Variants in MTFR1 observed in about 807,000 individuals in gnomAD.
MTFR1 encodes mitochondrial fission regulator 1.
Under a neutral mutation model 38.8 loss-of-function variants are expected in MTFR1, and 28 were observed. That is an observed-to-expected ratio of 0.72 (90% CI 0.53 to 0.99). The LOEUF is 0.99. MTFR1 is among the 50% of genes least tolerant of loss of function. The probability of loss-of-function intolerance (pLI) is 0.00; values close to 1 mark genes in which losing one functional copy is unlikely to be tolerated. For synonymous variants in MTFR1, 145 were observed against 137.0 expected (o/e 1.06, Z -0.41); for missense variants, 358 against 395.5 (o/e 0.91, Z 0.81).
chr8:65,687,469 C>T (rs1478824392), intron 3 of MTFR1, among the ~76,000 whole-genome samples: 1 of 151,734 alleles, frequency 6.6e-6, no homozygotes, highest in Non-Finnish European at 1.5e-5. Flanking sequence ...CCTCAGCCTT[C>T]CAAGTAGCTG....
intron 3 of MTFR1, among the ~76,000 whole-genome samples, chr8:65,756,377 T>G (rs1481849293): frequency 2.0e-5 from 3 of 152,220 alleles, no homozygotes; most frequent in Non-Finnish European, 4.4e-5. Flanking sequence ...CAGTGATTCA[T>G]GTATTGGTAC....
intron 3 of MTFR1, chr8:65,724,337 A>G: frequency 6.2e-7 from 1 of 1,611,968 alleles, no homozygotes. Flanking sequence ...AAATATCAGC[A>G]CATTTCAAAG....
Position 65,652,084 on chromosome 8 carries a change from G to A in MTFR1, c.-81+7300G>A, listed in dbSNP as rs1022812923. On this transcript the variant is annotated intron_variant, in intron 1 of 7. Transcript: ENST00000262146. ...AGCCTCCCATGTAGTTGGGACTACA[G>A]GCACATGCCACCATGCCTGGCTAAT... is the stretch of plus-strand genomic sequence containing the variant. Among the ~76,000 whole-genome samples, 4 of 151,844 alleles carry A rather than the reference G, an allele frequency of 2.6e-5. No individual in the cohort carries two copies. In the South Asian group the frequency reaches 8.3e-4, roughly 32 times the overall value.
intron 4 of MTFR1, among the ~76,000 whole-genome samples, chr8:65,700,360 A>G (rs538507264): frequency 2.6e-5 from 4 of 151,410 alleles, no homozygotes; most frequent in South Asian, 2.1e-4. Flanking sequence ...AAAAAAAAAA[A>G]AAAAAAGAAA....
chr8:65,723,431 A>T (rs1041678136), intron 3 of MTFR1: 2 of 1,061,512 alleles, frequency 1.9e-6, no homozygotes, highest in Non-Finnish European at 2.5e-6. Context: ...AATTATTTTT[A>T]AAAATAGAAA....
chr8:65,677,030 A>T (rs1410318927), intron 2 of MTFR1, among the ~76,000 whole-genome samples: 1 of 151,112 alleles, frequency 6.6e-6, no homozygotes. Context: ...AGCAGTTTTC[A>T]TAGATAAAGC....
intron 4 of MTFR1, among the ~76,000 whole-genome samples, chr8:65,697,349 T>C (rs190032437): frequency 6.6e-6 from 1 of 152,308 alleles, no homozygotes; most frequent in East Asian, 1.9e-4. Context: ...GGCGTGCACC[T>C]ACAGTCCTCC....
chr8:65,777,912 T>C, the MTFR1 span, among the ~76,000 whole-genome samples: 1 of 152,230 alleles, frequency 6.6e-6, no homozygotes, highest in Non-Finnish European at 1.5e-5. Flanking sequence ...AGATTTATAA[T>C]ACTTCCTGAA....
At chr8:65,671,812 A>G (rs1804574251) in intron 2 of MTFR1, among the ~76,000 whole-genome samples, 1 of 152,222 alleles carries the variant, frequency 6.6e-6, no homozygotes, top group African/African-American at 2.4e-5. Flanking sequence ...CTTCGTCTGC[A>G]AAGTAGCTGT....
intron 1 of MTFR1, among the ~76,000 whole-genome samples, chr8:65,648,831 AT>A (rs565872986): frequency 2.0e-5 from 3 of 151,158 alleles, no homozygotes; most frequent in Admixed American, 6.6e-5. Context: ...AACATTTAAG[AT>A]TTTTTTTTAG....
Position 65,662,249 on chromosome 8 carries a change from C to T in MTFR1, c.-80-7624C>T, listed in dbSNP as rs539129690. Among the ~76,000 whole-genome samples the T allele has an allele frequency of 1.9e-3, 293 of 152,058 alleles. 1 individual carries two copies. Among genetic ancestry groups the T allele is most frequent in the African/African-American group, 6.8e-3 (281 of 41,496 alleles). On this transcript the variant is annotated intron_variant, in intron 1 of 7. Transcript: ENST00000262146. The stretch of plus-strand genomic sequence containing the variant: ...AGTGCCTGCGATTGCAGGCGCGCGC[C>T]GCCACGCCTGATTGGTTTTCGTATT...
chr8:65,723,602 A>G (rs1259081903), intron 3 of MTFR1: 4 of 1,574,028 alleles, frequency 2.5e-6, no homozygotes, highest in Middle Eastern at 1.7e-4. Flanking sequence ...CACCCAAATG[A>G]TATTTTTTTT....
chr8:65,749,371 G>A lies in MTFR1; in HGVS notation c.*49-21576G>A, dbSNP rs76358403. On this transcript the variant is annotated intron_variant, in intron 3 of 3. Coordinates refer to the MTFR1 transcript ENST00000521247. Reference sequence around the variant, plus strand: ...TTCCCATACACACAAATAAACAGAAGTAAAATAATGCACACTGTTATGTGA... The same window carrying A: ...TTCCCATACACACAAATAAACAGAAATAAAATAATGCACACTGTTATGTGA... Among the ~76,000 whole-genome samples, 1,429 of 152,214 alleles carry A rather than the reference G, an allele frequency of 9.4e-3. 10 individuals carry two copies. Among genetic ancestry groups the A allele is most frequent in the East Asian group, 0.042 (220 of 5,190 alleles).
chr8:65,708,665 A>G lies in MTFR1; in HGVS notation c.934-311A>G, dbSNP rs1379662463. The stretch of plus-strand genomic sequence containing the variant: ...CAGCACCTTTGAAACTTCTTAAGAC[A>G]TTGGAAAGGAAACTTTGTACTTTCT... On this transcript the variant is annotated intron_variant, in intron 7 of 7. Transcript: ENST00000262146. 2.0e-5 allele frequency among the ~76,000 whole-genome samples: 3 copies of G among 152,206 alleles called. No homozygotes were observed. In the East Asian group the frequency reaches 5.8e-4, roughly 29 times the overall value.
Position 65,704,730 on chromosome 8 carries a change from CCTT to C in MTFR1, c.322_324del (p.Leu108del), listed in dbSNP as rs1563457413. ...GATCAAGGCCACCCCTTCAGGATGA[CCTT>C]CTTTTCTTTGAGAAGGCCCCAAGCA... On this transcript the variant is annotated inframe_deletion, in exon 5 of 8. Transcript: ENST00000262146. 3.1e-6 allele frequency: 5 copies of C among 1,614,116 alleles called. No individual in the cohort carries two copies. Among genetic ancestry groups the C allele is most frequent in the Non-Finnish European group, 4.2e-6 (5 of 1,180,004 alleles).
chr8:65,717,511 A>C (rs181046793), intron 2 of MTFR1: 40 of 152,356 alleles, frequency 2.6e-4, no homozygotes, highest in East Asian at 1.2e-3. Context: ...AACAGCCCTA[A>C]CTGGGCTTCT....
At chr8:65,652,395 C>T (rs896321129) in intron 1 of MTFR1, among the ~76,000 whole-genome samples, 1 of 152,020 alleles carries the variant, frequency 6.6e-6, no homozygotes, top group Non-Finnish European at 1.5e-5. Context: ...TCATATCTAG[C>T]CCTTAATTTT....
chr8:65,699,953 C>T (rs546131689), intron 4 of MTFR1, among the ~76,000 whole-genome samples: 1 of 152,092 alleles, frequency 6.6e-6, no homozygotes, highest in South Asian at 2.1e-4. Context: ...TAATGTCATA[C>T]TATTATGTCT....
intron 3 of MTFR1, among the ~76,000 whole-genome samples, chr8:65,752,979 T>A (rs1179168978): frequency 6.6e-6 from 1 of 152,228 alleles, no homozygotes; most frequent in Non-Finnish European, 1.5e-5. Flanking sequence ...ATTCTGAATG[T>A]ACATGTCTAA....
Sources: allele counts gnomAD v4.1 joint callset (sites outside exome capture counted in the v4.1 genomes callset), GRCh38; gene constraint gnomAD v4.1.1; transcripts MANE v1.5; gene names NCBI Gene and HGNC (gene_info 2026-07-23, HGNC 2026-07-21).